Variants in BTBD9 observed in about 807,000 individuals in gnomAD.
BTBD9 encodes the protein BTB/POZ domain-containing protein 9.
In BTBD9, 49 loss-of-function variants were observed where a neutral mutation model predicts 64.3. The ratio of observed to expected loss-of-function variants is 0.76; its 90% CI spans 0.61 to 0.97. The LOEUF is 0.97. Ranked by LOEUF, BTBD9 falls within the 50% of genes least tolerant of loss-of-function variation. The pLI is 0.00. For missense variants in BTBD9, 598 were observed against 762.1 expected (o/e 0.78, Z 2.53); for synonymous variants, 260 against 274.7 (o/e 0.95, Z 0.53).
At chr6:38,447,556 A>C (rs982311813) in intron 6 of BTBD9, among the ~76,000 whole-genome samples, 1 of 152,220 alleles carries the variant, frequency 6.6e-6, no homozygotes, top group African/African-American at 2.4e-5. Flanking sequence ...CATGTTGCTA[A>C]AGAGCAAGAA....
intron 6 of BTBD9, among the ~76,000 whole-genome samples, chr6:38,438,799 G>A (rs1345974388): frequency 1.3e-5 from 2 of 152,148 alleles, no homozygotes; most frequent in Non-Finnish European, 2.9e-5. Flanking sequence ...GTTATGTGGT[G>A]ATCAATACTA....
intron 6 of BTBD9, among the ~76,000 whole-genome samples, chr6:38,551,020 T>A (rs537233550): frequency 6.6e-6 from 1 of 152,242 alleles, no homozygotes; most frequent in Non-Finnish European, 1.5e-5. Flanking sequence ...TTTGCCCACA[T>A]TGGCTTGTTC....
At chr6:38,529,634 G>A (rs530361153) in intron 6 of BTBD9, among the ~76,000 whole-genome samples, 7 of 152,156 alleles carry the variant, frequency 4.6e-5, no homozygotes, top group East Asian at 1.9e-4. Context: ...GAGCCTCGGC[G>A]GAGGAACATA....
intron 6 of BTBD9, among the ~76,000 whole-genome samples, chr6:38,566,792 C>T (rs1775538963): frequency 6.6e-6 from 1 of 152,200 alleles, no homozygotes; most frequent in Non-Finnish European, 1.5e-5. Context: ...TACATACACA[C>T]ACACATCCAG....
At chr6:38,412,689 A>ACC (rs577835203) in intron 6 of BTBD9, among the ~76,000 whole-genome samples, 249 of 152,130 alleles carry the variant, frequency 1.6e-3, no homozygotes, top group Non-Finnish European at 2.7e-3. Flanking sequence ...TAAAACCCTA[A>ACC]CTCTACTAAA....
intron 6 of BTBD9, among the ~76,000 whole-genome samples, chr6:38,524,125 A>G (rs991323690): frequency 3.3e-5 from 5 of 151,986 alleles, no homozygotes; most frequent in Non-Finnish European, 7.4e-5. Context: ...ACTAATCACT[A>G]TCAATAAATA....
chr6:38,449,869 G>A (rs1003260731), intron 6 of BTBD9, among the ~76,000 whole-genome samples: 7 of 152,142 alleles, frequency 4.6e-5, no homozygotes, highest in Admixed American at 3.9e-4. Flanking sequence ...ATTAGTCTGG[G>A]CAATGATTTC....
chr6:38,304,322 C>T (rs1381280096), intron 7 of BTBD9, among the ~76,000 whole-genome samples: 3 of 151,770 alleles, frequency 2.0e-5, no homozygotes, highest in Non-Finnish European at 4.4e-5. Flanking sequence ...CCGAGGTGGG[C>T]GGATCACGAG....
chr6:38,279,780 T>A (rs763917538), intron 8 of BTBD9, among the ~76,000 whole-genome samples: 2 of 152,202 alleles, frequency 1.3e-5, no homozygotes, highest in Admixed American at 6.5e-5. Flanking sequence ...TTCTTAACAA[T>A]TCTAGATAAT....
chr6:38,605,328 G>A (rs1777394965), intron 1 of BTBD9, among the ~76,000 whole-genome samples: 2 of 152,126 alleles, frequency 1.3e-5, no homozygotes, highest in African/African-American at 4.8e-5. Context: ...GATTACAGGC[G>A]TGAACCACCA....
intron 6 of BTBD9, among the ~76,000 whole-genome samples, chr6:38,380,792 C>G (rs1765898764): frequency 6.6e-6 from 1 of 152,168 alleles, no homozygotes; most frequent in South Asian, 2.1e-4. Context: ...CTGCAGTGAG[C>G]TATGATCATG....
At chr6:38,275,475 A>C (rs1477078469) in intron 8 of BTBD9, among the ~76,000 whole-genome samples, 1 of 152,028 alleles carries the variant, frequency 6.6e-6, no homozygotes, top group Non-Finnish European at 1.5e-5. Context: ...AAGCAATGGC[A>C]ACAAAAGCCA....
At position 38,238,842 on chromosome 6, in the gene BTBD9, T is replaced by C. The variant is rs142383416; in HGVS notation, c.1562+17567A>G. The stretch of plus-strand genomic sequence containing the variant: ...TTTCAGACAGAATAGACTGTAAATG[T>C]TTCTTATCAGACTTGAGATCTGTGT... On this transcript the variant is annotated intron_variant, in intron 9 of 10. Coordinates refer to ENST00000481247, the MANE Select transcript of BTBD9 (RefSeq NM_001099272.2). 3.3e-4 allele frequency among the ~76,000 whole-genome samples: 51 copies of C among 152,266 alleles called. 2 individuals are homozygous for C. In the East Asian group the frequency reaches 9.7e-3, roughly 29 times the overall value.
chr6:38,194,307 T>A (rs1480608273), intron 9 of BTBD9, among the ~76,000 whole-genome samples: 1 of 152,162 alleles, frequency 6.6e-6, no homozygotes, highest in Non-Finnish European at 1.5e-5. Context: ...GTTTGGGACA[T>A]CAGAGTCCCA....
chr6:38,466,210 A>C (rs1770377796), intron 6 of BTBD9, among the ~76,000 whole-genome samples: 1 of 151,096 alleles, frequency 6.6e-6, no homozygotes, highest in Non-Finnish European at 1.5e-5. Context: ...TAGTCTTTTA[A>C]TATCTATGGA....
intron 1 of BTBD9, among the ~76,000 whole-genome samples, chr6:38,599,617 C>G (rs1012053156): frequency 6.6e-6 from 1 of 152,224 alleles, no homozygotes; most frequent in Admixed American, 6.5e-5. Context: ...GTTATCTCTG[C>G]TAGACCTCCA....
intron 6 of BTBD9, among the ~76,000 whole-genome samples, chr6:38,445,612 A>G (rs1769240674): frequency 6.6e-6 from 1 of 152,254 alleles, no homozygotes; most frequent in South Asian, 2.1e-4. Context: ...ACACATTCCT[A>G]AAATAGACTT....
At chr6:38,322,302 T>G (rs539166734) in intron 7 of BTBD9, among the ~76,000 whole-genome samples, 5 of 152,164 alleles carry the variant, frequency 3.3e-5, no homozygotes, top group Non-Finnish European at 7.4e-5. Flanking sequence ...TGCTTAAAAA[T>G]CCACATGCTC....
chr6:38,259,815 G>GT (rs1764729908), intron 8 of BTBD9, among the ~76,000 whole-genome samples: 1 of 152,148 alleles, frequency 6.6e-6, no homozygotes, highest in Non-Finnish European at 1.5e-5. Flanking sequence ...GAAAGCATTA[G>GT]TAGATGATAC....
Sources: allele counts gnomAD v4.1 joint callset (sites outside exome capture counted in the v4.1 genomes callset), GRCh38; gene constraint gnomAD v4.1.1; transcripts MANE v1.5; gene names NCBI Gene and HGNC (gene_info 2026-07-23, HGNC 2026-07-21).